FBXW11: variants seen among roughly 807,000 people sequenced by gnomAD.
The protein encoded by FBXW11 is F-box and WD repeat domain containing 11.
Under a neutral mutation model 77.6 loss-of-function variants are expected in FBXW11, and 19 were observed. The ratio of observed to expected loss-of-function variants is 0.24; its 90% CI spans 0.17 to 0.36. The LOEUF (loss-of-function observed/expected upper bound fraction) is 0.36. Among genes scored for constraint, FBXW11 ranks in the 10% least tolerant of loss-of-function variants. FBXW11 has a pLI of 1.00. For synonymous variants in FBXW11, 235 were observed against 249.4 expected, an observed-to-expected ratio of 0.94 and a Z score of 0.54; for missense variants, 334 against 704.2, an observed-to-expected ratio of 0.47 and a Z score of 5.95.
chr5:171,880,509 C>T (rs958345369), intron 7 of FBXW11, among the ~76,000 whole-genome samples: 1 of 152,152 alleles, frequency 6.6e-6, no homozygotes, highest in Admixed American at 6.5e-5. Context: ...AACCTACAGA[C>T]CAATTTGGGA....
At chr5:171,913,874 C>CACACACACAA in intron 3 of FBXW11, among the ~76,000 whole-genome samples, 1 of 149,856 alleles carries the variant, frequency 6.7e-6, no homozygotes, top group African/African-American at 2.5e-5. Context: ...CACACACACA[C>CACACACACAA]AACCTGGGAA....
intron 2 of FBXW11, among the ~76,000 whole-genome samples, chr5:171,917,587 C>A (rs1761334731): frequency 6.6e-6 from 1 of 152,156 alleles, no homozygotes; most frequent in Non-Finnish European, 1.5e-5. Flanking sequence ...TTTTCCACTT[C>A]TTTTATAAAG....
intron 3 of FBXW11, among the ~76,000 whole-genome samples, chr5:171,913,078 CCTTAT>C (rs1276274591): frequency 2.6e-5 from 4 of 151,948 alleles, no homozygotes; most frequent in African/African-American, 4.8e-5. Flanking sequence ...CTCAAAAGTG[CCTTAT>C]CTTAAGAAAA....
At chr5:171,950,567 T>G (rs1327604660) in intron 2 of FBXW11, among the ~76,000 whole-genome samples, 1 of 152,172 alleles carries the variant, frequency 6.6e-6, no homozygotes, top group Non-Finnish European at 1.5e-5. Context: ...TTGTGATTTT[T>G]CTAGGGTGAG....
intron 1 of FBXW11, among the ~76,000 whole-genome samples, chr5:172,001,744 C>A (rs1766424827): frequency 6.6e-6 from 1 of 152,122 alleles, no homozygotes; most frequent in African/African-American, 2.4e-5. Context: ...AGAGGTGGCA[C>A]CTATTGTGTT....
At chr5:171,944,467 C>A (rs1048702928) in intron 2 of FBXW11, among the ~76,000 whole-genome samples, 1 of 143,628 alleles carries the variant, frequency 7.0e-6, no homozygotes, top group Non-Finnish European at 1.5e-5. Flanking sequence ...CCCAGCTATG[C>A]GGGAGGCTGA....
chr5:171,887,436 C>G (rs185499080), intron 7 of FBXW11, among the ~76,000 whole-genome samples: 3 of 151,072 alleles, frequency 2.0e-5, no homozygotes, highest in Admixed American at 6.6e-5. Context: ...TTATTTCACC[C>G]AAAATAGAAC....
At chr5:171,949,283 A>G (rs1009167158) in intron 2 of FBXW11, among the ~76,000 whole-genome samples, 2 of 152,244 alleles carry the variant, frequency 1.3e-5, no homozygotes, top group Non-Finnish European at 2.9e-5. Flanking sequence ...GACACAAGGA[A>G]GTGAAACATG....
At chr5:171,896,673 A>C (rs1490992646) in intron 6 of FBXW11, among the ~76,000 whole-genome samples, 2 of 152,238 alleles carry the variant, frequency 1.3e-5, no homozygotes, top group Non-Finnish European at 2.9e-5. Context: ...CTATGTAGCA[A>C]GTCCTAAAAC....
intron 4 of FBXW11, among the ~76,000 whole-genome samples, chr5:171,905,797 G>GCCTCAA (rs1760473705): frequency 6.6e-6 from 1 of 152,114 alleles, no homozygotes; most frequent in African/African-American, 2.4e-5. Flanking sequence ...AAAGTGCTTT[G>GCCTCAA]AGGTGTTAAA....
chr5:171,940,828 A>C (rs904802249), intron 2 of FBXW11, among the ~76,000 whole-genome samples: 1 of 151,824 alleles, frequency 6.6e-6, no homozygotes, highest in Non-Finnish European at 1.5e-5. Context: ...TGGAGGTTGC[A>C]GTGAGCCGAG....
chr5:171,886,408 A>C (rs1758876256), intron 7 of FBXW11, among the ~76,000 whole-genome samples: 1 of 114,080 alleles, frequency 8.8e-6, no homozygotes. Flanking sequence ...AACATCACAC[A>C]CTGGGGCCTG....
chr5:171,939,850 C>G (rs369206739), intron 2 of FBXW11, among the ~76,000 whole-genome samples: 1 of 152,138 alleles, frequency 6.6e-6, no homozygotes. Context: ...TACACACACT[C>G]TTCCCGCTAT....
At chr5:171,888,026 A>C (rs897867465) in intron 7 of FBXW11, among the ~76,000 whole-genome samples, 1 of 152,136 alleles carries the variant, frequency 6.6e-6, no homozygotes, top group African/African-American at 2.4e-5. Flanking sequence ...CTATACAGTG[A>C]AATAGCAAAA....
chr5:171,887,520 T>C (rs1449782443), intron 7 of FBXW11, among the ~76,000 whole-genome samples: 2 of 151,586 alleles, frequency 1.3e-5, no homozygotes. Context: ...AACTAAACAC[T>C]CCTGATAAAA....
chr5:171,910,172 C>T (rs1760793892), intron 4 of FBXW11, among the ~76,000 whole-genome samples: 1 of 149,508 alleles, frequency 6.7e-6, no homozygotes, highest in Non-Finnish European at 1.5e-5. Flanking sequence ...TTCAAGCTAT[C>T]CTCCCACCTC....
At chr5:171,973,076 T>C (rs1764623592) in intron 1 of FBXW11, among the ~76,000 whole-genome samples, 1 of 152,232 alleles carries the variant, frequency 6.6e-6, no homozygotes, top group Admixed American at 6.5e-5. Flanking sequence ...GAGAGTACTG[T>C]GGCACAGTGG....
chr5:171,919,404 C>T (rs1197335822), intron 2 of FBXW11, among the ~76,000 whole-genome samples: 4 of 152,188 alleles, frequency 2.6e-5, no homozygotes, highest in African/African-American at 9.7e-5. Flanking sequence ...CAGACTCCAT[C>T]CCAATATGTG....
intron 1 of FBXW11, among the ~76,000 whole-genome samples, chr5:171,981,444 T>C (rs1765141598): frequency 6.6e-6 from 1 of 152,132 alleles, no homozygotes; most frequent in African/African-American, 2.4e-5. Context: ...TAACCAAAAG[T>C]ACCCTGGCAA....
Sources: allele counts gnomAD v4.1 joint callset (sites outside exome capture counted in the v4.1 genomes callset), GRCh38; gene constraint gnomAD v4.1.1; transcripts MANE v1.5; gene names NCBI Gene and HGNC (gene_info 2026-07-23, HGNC 2026-07-21).